Variants in VPS13B observed in about 807,000 individuals in gnomAD.
VPS13B encodes intermembrane lipid transfer protein VPS13B.
A neutral mutation model predicts 426.4 loss-of-function variants in VPS13B; 285 were observed. The ratio of observed to expected loss-of-function variants is 0.67; its 90% confidence interval spans 0.61 to 0.74. VPS13B has a LOEUF of 0.74. Among genes scored for constraint, VPS13B ranks in the 30% least tolerant of loss-of-function variants. The pLI, the probability that VPS13B is intolerant of heterozygous loss-of-function variation, is 0.00. For synonymous variants in VPS13B, 1,676 were observed against 1,676.4 expected (o/e 1.00, Z 0.01); for missense variants, 4,537 against 4,782.6 (o/e 0.95, Z 1.51).
At chr8:99,729,610 AATGAAGTATGAGAGCTTT>A (rs1588661850) in intron 39 of VPS13B, among the ~76,000 whole-genome samples, 1 of 152,326 alleles carries the variant, frequency 6.6e-6, no homozygotes, top group South Asian at 2.1e-4. Flanking sequence ...TTCCAGTTCT[AATGAAGTATGAGAGCTTT>A]ACATATAAAG....
At chr8:99,660,790 T>G (rs1251738588) in intron 34 of VPS13B, among the ~76,000 whole-genome samples, 1 of 152,086 alleles carries the variant, frequency 6.6e-6, no homozygotes, top group Admixed American at 6.6e-5. Flanking sequence ...ATTTTCATTA[T>G]AATTAGGATT....
chr8:99,220,780 C>CTTTTTTTTTTTTT (rs5893485), intron 17 of VPS13B, among the ~76,000 whole-genome samples: 2 of 112,960 alleles, frequency 1.8e-5, no homozygotes, highest in Non-Finnish European at 1.7e-5. Context: ...TAGTTTTATT[C>CTTTTTTTTTTTTT]TTTTTTTTTT....
chr8:99,507,320 A>G, intron 28 of VPS13B, 117 bp downstream of exon 28: 1 of 1,089,234 alleles, frequency 9.2e-7, no homozygotes. Flanking sequence ...AATTCTTATT[A>G]GCCTGTTTCT....
At chr8:99,844,708 G>C (rs969759818) in intron 54 of VPS13B, among the ~76,000 whole-genome samples, 10 of 152,112 alleles carry the variant, frequency 6.6e-5, no homozygotes, top group Non-Finnish European at 8.8e-5. Flanking sequence ...GCATCCCAAA[G>C]ACCCTGCCTT....
chr8:99,140,645 T>G (rs1810365557), intron 12 of VPS13B, among the ~76,000 whole-genome samples: 1 of 120,282 alleles, frequency 8.3e-6, no homozygotes, highest in African/African-American at 3.2e-5. Context: ...CTCCCCCTCC[T>G]TGCCTTCCTC....
At chr8:99,771,633 C>G (rs376247128) in intron 40 of VPS13B, among the ~76,000 whole-genome samples, 2 of 152,138 alleles carry the variant, frequency 1.3e-5, no homozygotes, top group African/African-American at 4.8e-5. Context: ...GTGGAGGAAT[C>G]AGAGAAAGCG....
Position 99,134,999 on chromosome 8 carries a change from T to G in VPS13B, c.1303-16T>G. The G allele has an allele frequency of 6.2e-7, 1 of 1,613,326 alleles. No homozygotes were observed. Among genetic ancestry groups the G allele is most frequent in the Non-Finnish European group, 8.5e-7 (1 of 1,179,428 alleles). ...AAATTCAATTCTTAGTTCTAATGTT[T>G]CCTTTCGTCTTATAGGCCCTTATGA... On this transcript the variant is annotated splice_polypyrimidine_tract_variant and intron_variant, in intron 9 of 61. Transcript: ENST00000357162.
intron 28 of VPS13B, among the ~76,000 whole-genome samples, chr8:99,510,233 G>T (rs570950281): frequency 5.9e-5 from 9 of 152,058 alleles, no homozygotes; most frequent in Admixed American, 2.0e-4. Flanking sequence ...TATCGATGAG[G>T]CTTCTTTTGT....
chr8:99,627,569 A>G (rs1828666539), intron 33 of VPS13B, among the ~76,000 whole-genome samples: 1 of 152,106 alleles, frequency 6.6e-6, no homozygotes, highest in Non-Finnish European at 1.5e-5. Flanking sequence ...TTTTTGGTAG[A>G]GATGGGGTTT....
chr8:99,221,323 CA>C (rs1169588918), intron 17 of VPS13B, among the ~76,000 whole-genome samples: 1 of 151,638 alleles, frequency 6.6e-6, no homozygotes, highest in Non-Finnish European at 1.5e-5. Context: ...ATGGCTGGGT[CA>C]AATGGTATTT....
chr8:99,272,592 T>C (rs1159315441), intron 17 of VPS13B, among the ~76,000 whole-genome samples: 1 of 152,110 alleles, frequency 6.6e-6, no homozygotes, highest in Non-Finnish European at 1.5e-5. Flanking sequence ...ATTCTTAAGG[T>C]TTCTTTGCCT....
intron 35 of VPS13B, among the ~76,000 whole-genome samples, chr8:99,695,529 C>G (rs1349051344): frequency 8.6e-6 from 1 of 116,432 alleles, no homozygotes; most frequent in African/African-American, 3.4e-5. Flanking sequence ...AGGGGAATAT[C>G]ACACTCTGGG....
In VPS13B at chr8:99,511,392, C is replaced by G; in HGVS notation, c.4513C>G (p.Pro1505Ala). 1 of 1,613,854 alleles carries G rather than the reference C, an allele frequency of 6.2e-7. No individual in the cohort carries two copies. Residue 1505 changes from proline to alanine, a missense_variant, in exon 29 of 62, where the codon CCT becomes GCT. Transcript: ENST00000357162. ...PKTQKEKRKS[P>A]GQPMRTHTLT... The stretch of plus-strand genomic sequence containing the variant: ...GACCCAAAAAGAGAAAAGAAAATCT[C>G]CTGGTCAGCCCATGAGGACCCATAC...
At chr8:99,748,228 G>A (rs190421717) in intron 39 of VPS13B, among the ~76,000 whole-genome samples, 48 of 151,998 alleles carry the variant, frequency 3.2e-4, no homozygotes, top group African/African-American at 1.2e-3. Flanking sequence ...GATGATCCAC[G>A]TAACAGGACA....
intron 21 of VPS13B, among the ~76,000 whole-genome samples, chr8:99,406,094 A>C (rs1223498990): frequency 6.6e-6 from 1 of 151,920 alleles, no homozygotes; most frequent in Non-Finnish European, 1.5e-5. Flanking sequence ...TACTTTTCAT[A>C]CTGCAGGTCT....
chr8:99,837,637 A>C (rs552764825), intron 54 of VPS13B, among the ~76,000 whole-genome samples: 1 of 152,264 alleles, frequency 6.6e-6, no homozygotes, highest in South Asian at 2.1e-4. Context: ...CAGCAGTCTC[A>C]TGTTCCCATT....
chr8:99,740,943 A>G (rs1179656882), intron 39 of VPS13B, among the ~76,000 whole-genome samples: 1 of 152,188 alleles, frequency 6.6e-6, no homozygotes, highest in East Asian at 1.9e-4. Context: ...AGCTAACATC[A>G]TAATGACAGG....
At chr8:99,820,749 G>T (rs961251604) in intron 49 of VPS13B, among the ~76,000 whole-genome samples, 21 of 152,062 alleles carry the variant, frequency 1.4e-4, no homozygotes, top group African/African-American at 4.8e-4. Context: ...TTAAAAAATA[G>T]AGTAAAAGTA....
chr8:99,647,689 C>T (rs1231352438), intron 34 of VPS13B, among the ~76,000 whole-genome samples: 1 of 151,820 alleles, frequency 6.6e-6, no homozygotes, highest in East Asian at 1.9e-4. Context: ...TTATTTATCT[C>T]ATTAATTTGT....
Sources: allele counts gnomAD v4.1 joint callset (sites outside exome capture counted in the v4.1 genomes callset), GRCh38; gene constraint gnomAD v4.1.1; transcripts MANE v1.5; gene names NCBI Gene and HGNC (gene_info 2026-07-23, HGNC 2026-07-21).